MBOAT1: variants seen among roughly 807,000 people sequenced by gnomAD.
The protein encoded by MBOAT1 is membrane-bound glycerophospholipid O-acyltransferase 1.
A neutral mutation model predicts 64.4 loss-of-function variants in MBOAT1; 67 were observed. The observed-to-expected ratio is 1.04, with a 90% CI of 0.85 to 1.27. The LOEUF (loss-of-function observed/expected upper bound fraction) is 1.27. MBOAT1 is among the 50% of genes most tolerant of loss of function. The pLI is 0.00. For missense variants in MBOAT1, 563 were observed against 604.6 expected, an observed-to-expected ratio of 0.93 and a Z score of 0.72; for synonymous variants, 229 against 218.9, an observed-to-expected ratio of 1.05 and a Z score of -0.41.
At chr6:20,120,670 A>T (rs1441916527) in intron 8 of MBOAT1, among the ~76,000 whole-genome samples, 1 of 152,096 alleles carries the variant, frequency 6.6e-6, no homozygotes, top group Non-Finnish European at 1.5e-5. Flanking sequence ...CTCCATCTAA[A>T]AAAAAATTTA....
intron 9 of MBOAT1, among the ~76,000 whole-genome samples, chr6:20,116,225 G>A (rs923633188): frequency 6.6e-6 from 1 of 152,034 alleles, no homozygotes; most frequent in Admixed American, 6.5e-5. Context: ...CCAGCTACTC[G>A]GGAGGCTGAG....
At chr6:20,197,273 A>T (rs958437006) in intron 1 of MBOAT1, among the ~76,000 whole-genome samples, 2 of 152,180 alleles carry the variant, frequency 1.3e-5, no homozygotes, top group African/African-American at 4.8e-5. Flanking sequence ...AGGACCCCAG[A>T]ATCACTAAGC....
chr6:20,129,362 C>T (rs1760751686), intron 5 of MBOAT1, among the ~76,000 whole-genome samples: 1 of 152,214 alleles, frequency 6.6e-6, no homozygotes, highest in Non-Finnish European at 1.5e-5. Context: ...AACCAAGTCA[C>T]ATCCATGCTT....
At position 20,118,551 on chromosome 6, in the gene MBOAT1, T is replaced by TA; in HGVS notation, c.908-12dup. The TA allele has an allele frequency of 6.2e-7, 1 of 1,605,346 alleles. No homozygotes were observed. The highest frequency in any genetic ancestry group is 1.7e-4 in the Middle Eastern group (1 of 6,050). On this transcript the variant is annotated splice_polypyrimidine_tract_variant and intron_variant, in intron 8 of 12. Transcript: ENST00000324607. ...TATTCACTGCATCAGCTATGGTTTT[T>TA]AAAGTAACACATTAGGATATGGAAC...
At chr6:20,150,436 C>G (rs965388966) in intron 3 of MBOAT1, among the ~76,000 whole-genome samples, 3 of 152,102 alleles carry the variant, frequency 2.0e-5, no homozygotes, top group African/African-American at 7.2e-5. Context: ...GAGCTTTTGT[C>G]ACTATAGATT....
chr6:20,202,770 T>G (rs1763159514), intron 1 of MBOAT1, among the ~76,000 whole-genome samples: 1 of 152,228 alleles, frequency 6.6e-6, no homozygotes, highest in Non-Finnish European at 1.5e-5. Context: ...CACTGACGAC[T>G]CTCTATCCTT....
chr6:20,117,402 G>A (rs563143194), intron 9 of MBOAT1, among the ~76,000 whole-genome samples: 46 of 152,122 alleles, frequency 3.0e-4, no homozygotes, highest in African/African-American at 9.6e-4. Context: ...CTTTCTGCTT[G>A]TCTGCCTTTT....
At chr6:20,180,864 C>A (rs923898426) in intron 1 of MBOAT1, among the ~76,000 whole-genome samples, 1 of 152,150 alleles carries the variant, frequency 6.6e-6, no homozygotes, top group Admixed American at 6.5e-5. Context: ...CATAAACTTG[C>A]AACATGTTTT....
intron 4 of MBOAT1, among the ~76,000 whole-genome samples, chr6:20,141,638 C>T (rs562283069): frequency 4.6e-5 from 7 of 152,126 alleles, no homozygotes; most frequent in South Asian, 2.1e-4. Flanking sequence ...CCTGCCAGCT[C>T]GGCATTTCAA....
chr6:20,152,786 G>GA lies in MBOAT1; in HGVS notation c.100-18dup, dbSNP rs1181831009. 1 of 1,591,146 alleles carries GA rather than the reference G, an allele frequency of 6.3e-7. No homozygotes were observed. Among genetic ancestry groups the GA allele is most frequent in the Non-Finnish European group, 8.6e-7 (1 of 1,169,396 alleles). ...AAAATTCACCTGTGGCAGGGGAAGA[G>GA]AAAATAAAAACCTTTGTGTGAATTT... On this transcript the variant is annotated splice_polypyrimidine_tract_variant and intron_variant, in intron 1 of 12. Coordinates refer to ENST00000324607, the MANE Select transcript of MBOAT1 (RefSeq NM_001080480.3).
chr6:20,184,880 A>AGTGTGTGTGTGTGTGTGTGTGTGTGT (rs58865791), intron 1 of MBOAT1, among the ~76,000 whole-genome samples: 1 of 142,866 alleles, frequency 7.0e-6, no homozygotes, highest in Non-Finnish European at 1.5e-5. Context: ...TTATAACTGC[A>AGTGTGTGTGTGTGTGTGTGTGTGTGT]GTGTGTGTGT....
intron 11 of MBOAT1, among the ~76,000 whole-genome samples, chr6:20,111,067 G>C (rs1373290509): frequency 6.6e-6 from 1 of 152,184 alleles, no homozygotes; most frequent in African/African-American, 2.4e-5. Flanking sequence ...TTAGCATCAT[G>C]ATTCCCGTTT....
intron 12 of MBOAT1, among the ~76,000 whole-genome samples, chr6:20,103,455 G>T (rs746418164): frequency 7.9e-5 from 12 of 152,158 alleles, no homozygotes; most frequent in Non-Finnish European, 1.2e-4. Flanking sequence ...TGTTGAGATG[G>T]AGTTTCACTC....
At chr6:20,124,681 A>G in intron 7 of MBOAT1, 81 bp from the exon 8 acceptor site, 2 of 1,309,326 alleles carry the variant, frequency 1.5e-6, no homozygotes, top group Non-Finnish European at 2.1e-6. Context: ...CCTGTTAAGG[A>G]CAACGTTGCT....
intron 1 of MBOAT1, among the ~76,000 whole-genome samples, chr6:20,167,687 G>A (rs1432941738): frequency 1.3e-5 from 2 of 152,200 alleles, no homozygotes; most frequent in African/African-American, 2.4e-5. Context: ...TAGACAGCTT[G>A]AGATAAAGTC....
chr6:20,188,699 G>A (rs1439215580), intron 1 of MBOAT1, among the ~76,000 whole-genome samples: 1 of 152,136 alleles, frequency 6.6e-6, no homozygotes, highest in Non-Finnish European at 1.5e-5. Flanking sequence ...TGCACATGCA[G>A]GCCCCTAGCT....
intron 1 of MBOAT1, among the ~76,000 whole-genome samples, chr6:20,180,769 T>C (rs894036985): frequency 1.3e-5 from 2 of 152,216 alleles, no homozygotes; most frequent in African/African-American, 4.8e-5. Flanking sequence ...TTGATACTTT[T>C]GATGTTTTAC....
chr6:20,192,175 C>G (rs73374705), intron 1 of MBOAT1, among the ~76,000 whole-genome samples: 1 of 152,204 alleles, frequency 6.6e-6, no homozygotes, highest in Non-Finnish European at 1.5e-5. Context: ...TTCTTTCACA[C>G]TTCCTGGGTA....
At chr6:20,113,961 G>A (rs1040045864) in intron 10 of MBOAT1, among the ~76,000 whole-genome samples, 1 of 152,114 alleles carries the variant, frequency 6.6e-6, no homozygotes, top group African/African-American at 2.4e-5. Context: ...TTCATAGGAA[G>A]AAAAAGAATG....
Sources: gnomAD v4.1 joint callset for allele counts (sites outside exome capture counted in the v4.1 genomes callset) on GRCh38, gnomAD v4.1.1 for gene constraint, MANE v1.5 for transcripts, NCBI Gene and HGNC (gene_info 2026-07-23, HGNC 2026-07-21) for gene names.